Variants in TTC39C observed in about 807,000 individuals in gnomAD.
TTC39C encodes tetratricopeptide repeat protein 39C.
A neutral mutation model predicts 76.3 loss-of-function variants in TTC39C; 33 were observed. That is an observed-to-expected ratio of 0.43 (90% CI 0.33 to 0.58). The LOEUF is 0.58. Among genes scored for constraint, TTC39C ranks in the 20% least tolerant of loss-of-function variants. The pLI, the probability that TTC39C is intolerant of heterozygous loss-of-function variation, is 0.04. For synonymous variants in TTC39C, 254 were observed against 260.6 expected, an observed-to-expected ratio of 0.97 and a Z score of 0.24; for missense variants, 595 against 701.4, an observed-to-expected ratio of 0.85 and a Z score of 1.71.
chr18:24,018,294 G>GT (rs1259475860), intron 1 of TTC39C, among the ~76,000 whole-genome samples: 1 of 152,172 alleles, frequency 6.6e-6, no homozygotes, highest in East Asian at 1.9e-4. Flanking sequence ...CCATGTGTTT[G>GT]TAAGTTCGTG....
intron 7 of TTC39C, 23 bp downstream of exon 7, chr18:24,114,670 GC>G (rs2084869129): frequency 7.0e-6 from 11 of 1,565,708 alleles, no homozygotes; most frequent in Middle Eastern, 1.7e-4. Flanking sequence ...TGTCTGTCCA[GC>G]CTCTTGTTAA....
At chr18:24,081,568 T>G (rs565534297) in intron 5 of TTC39C, among the ~76,000 whole-genome samples, 2 of 152,346 alleles carry the variant, frequency 1.3e-5, no homozygotes, top group East Asian at 1.9e-4. Context: ...CTACCATTTG[T>G]AACTTGAGTA....
chr18:24,064,069 A>G, intron 1 of TTC39C, 71 bp from the exon 2 acceptor site: 2 of 1,595,940 alleles, frequency 1.3e-6, no homozygotes, highest in South Asian at 1.1e-5. Flanking sequence ...TGATATGTCA[A>G]ATGCTTTTAA....
rs761953358 is a variant in TTC39C at position 24,080,742 on chromosome 18, G to A, written c.618G>A (p.Gly206=). 3 of 1,614,098 alleles carry A rather than the reference G, an allele frequency of 1.9e-6. No individual in the cohort carries two copies. Among genetic ancestry groups the A allele is most frequent in the Non-Finnish European group, 2.5e-6 (3 of 1,180,010 alleles). The change falls in exon 5 of 14, where the codon GGG becomes GGA. Residue 206 remains glycine (G), a synonymous_variant. Transcript: ENST00000317571. The part of the protein sequence containing the change: ...AANDNHIVAE[G]VSEESLNRLK... Reference sequence around the variant, plus strand: ...ATGATAATCACATTGTGGCTGAAGGGGTGTCTGAGGAGTCTCTGAACAGAC... The same window carrying A: ...ATGATAATCACATTGTGGCTGAAGGAGTGTCTGAGGAGTCTCTGAACAGAC...
At position 24,082,968 on chromosome 18, in the gene TTC39C, A is replaced by G. The variant is rs772442931; in HGVS notation, c.871A>G (p.Ser291Gly). 1.2e-6 allele frequency: 2 copies of G among 1,614,082 alleles called. No homozygotes were observed. The highest frequency in any genetic ancestry group is 1.7e-5 in the Admixed American group (1 of 60,022). Residue 291 changes from serine to glycine, a missense_variant, in exon 6 of 14, where the codon AGT (serine) becomes GGT (glycine). Coordinates refer to ENST00000317571, the MANE Select transcript of TTC39C (RefSeq NM_001135993.2). ...CCGCCCGTTTTTTGCCTTGGATGGC[A>G]GTGATAACAAGGCAGGCCTGGATGA... ...VVRPFFALDG[S>G]DNKAGLDEAK...
At chr18:24,113,777 C>T in intron 6 of TTC39C, 2 of 683,392 alleles carry the variant, frequency 2.9e-6, no homozygotes, top group East Asian at 5.4e-5. Context: ...TTGGCAGACC[C>T]TGAGTGACAT....
intron 4 of TTC39C, among the ~76,000 whole-genome samples, chr18:24,075,310 A>G (rs2145749524): frequency 6.6e-6 from 1 of 152,240 alleles, no homozygotes; most frequent in Admixed American, 6.5e-5. Flanking sequence ...TAAAAAAAAA[A>G]AAGTCTGTTG....
At chr18:24,057,737 TG>T (rs2084034938) in intron 1 of TTC39C, among the ~76,000 whole-genome samples, 1 of 152,232 alleles carries the variant, frequency 6.6e-6, no homozygotes, top group African/African-American at 2.4e-5. Context: ...ACATGGTGTA[TG>T]TGTCTTTTGG....
rs536949482 is a variant in TTC39C, at chr18:23,998,362, G to A, written c.-17+5324G>A. Among the ~76,000 whole-genome samples, 13 of 152,288 alleles carry A rather than the reference G, an allele frequency of 8.5e-5. No homozygotes were observed. In the South Asian group the frequency reaches 1.5e-3, roughly 17 times the overall value. Reference sequence around the variant, plus strand: ...AACTAGGCCAGGTGCAGTGGCTCACGCCTGTAATCACAGTGCTTTCAGAGG... The same window carrying A: ...AACTAGGCCAGGTGCAGTGGCTCACACCTGTAATCACAGTGCTTTCAGAGG... On this transcript the variant is annotated intron_variant, in intron 1 of 13. Coordinates refer to the TTC39C transcript ENST00000304621.
chr18:24,044,672 C>A (rs150505375), intron 1 of TTC39C, among the ~76,000 whole-genome samples: 12 of 152,214 alleles, frequency 7.9e-5, no homozygotes, highest in African/African-American at 2.6e-4. Context: ...GAGGGGCCAT[C>A]CACTGGAATG....
chr18:24,112,044 G>A (rs1055951787), intron 6 of TTC39C, among the ~76,000 whole-genome samples: 10 of 151,900 alleles, frequency 6.6e-5, no homozygotes, highest in African/African-American at 2.2e-4. Flanking sequence ...ACTTGCTCTC[G>A]GCATAATGCC....
chr18:23,998,556 G>A (rs1314871689), intron 1 of TTC39C, among the ~76,000 whole-genome samples: 1 of 152,178 alleles, frequency 6.6e-6, no homozygotes, highest in South Asian at 2.1e-4. Flanking sequence ...GTTGCAGTGA[G>A]CTGAGATTGC....
chr18:24,023,966 A>ATATATATACG (rs1568408851), intron 1 of TTC39C, among the ~76,000 whole-genome samples: 1 of 11,172 alleles, frequency 9.0e-5, no homozygotes, highest in African/African-American at 1.8e-4. Flanking sequence ...ATATATATAT[A>ATATATATACG]TATATATATA....
chr18:24,047,651 T>C (rs927085804), intron 1 of TTC39C, among the ~76,000 whole-genome samples: 5 of 152,114 alleles, frequency 3.3e-5, no homozygotes, highest in African/African-American at 1.2e-4. Flanking sequence ...GCAGATGACA[T>C]ACAGAGAGGA....
At chr18:24,083,657 G>T (rs374700472) in intron 6 of TTC39C, among the ~76,000 whole-genome samples, 1 of 152,162 alleles carries the variant, frequency 6.6e-6, no homozygotes, top group Admixed American at 6.6e-5. Flanking sequence ...AAAATAAACA[G>T]GGATCTAAGA....
In TTC39C at chr18:24,134,122, C is replaced by A. The variant is rs1006141205; in HGVS notation, c.*1548C>A. ...TTTCCAAAATGTGTATTCACATTGA[C>A]TTTCTCCCTGATGTGAATTCCGTGT... On this transcript the variant is annotated 3_prime_UTR_variant, in exon 14 of 14. Transcript: ENST00000317571. 6.5e-6 allele frequency: 1 copy of A among 154,626 alleles called. No homozygotes were observed. Among genetic ancestry groups the A allele is most frequent in the African/African-American group, 2.4e-5 (1 of 41,494 alleles). The allele number at this position is 154,626 out of a possible 1,614,324, so 9.6% of individuals were successfully genotyped here. A position where few individuals can be genotyped will look rare whatever the true frequency, so the allele number is the denominator to read the frequency against.
At position 24,118,218 on chromosome 18, in the gene TTC39C, C is replaced by A. The variant is rs1344912058; in HGVS notation, c.1172C>A (p.Ala391Asp). 2 of 1,613,230 alleles carry A rather than the reference C, an allele frequency of 1.2e-6. No individual in the cohort carries two copies. Among genetic ancestry groups the A allele is most frequent in the South Asian group, 2.2e-5 (2 of 90,902 alleles). The change falls in exon 8 of 14, where the codon GCC becomes GAC. Residue 391 changes from alanine (A) to aspartate (D), a missense_variant. Coordinates refer to ENST00000317571, the MANE Select transcript of TTC39C (RefSeq NM_001135993.2). ...TCCAGGTGGTCCCAGTGCTATTATG[C>A]CTACTTGACTGCAGGTGAGTCGCCC... ...NESRWSQCYYAYLTAVCQGAT... is the reference protein window; with the variant it reads ...NESRWSQCYYDYLTAVCQGAT...
rs76648338 is a variant in TTC39C at position 24,019,581 on chromosome 18, A to G, written c.167+4543A>G. ...GCGCATGTGACAAAGCCATATGAGAAAGCCATAGGATCTGTGGCCTCATTT... is the reference window on the plus strand; with the variant it reads ...GCGCATGTGACAAAGCCATATGAGAGAGCCATAGGATCTGTGGCCTCATTT... On this transcript the variant is annotated intron_variant, in intron 1 of 13. Transcript: ENST00000317571. 5.9e-3 allele frequency among the ~76,000 whole-genome samples: 892 copies of G among 152,372 alleles called. 6 individuals are homozygous for G. Among genetic ancestry groups the G allele is most frequent in the South Asian group, 0.016 (79 of 4,828 alleles).
intron 1 of TTC39C, chr18:24,016,531 T>G (rs1349094685): frequency 2.5e-6 from 1 of 395,020 alleles, no homozygotes; most frequent in Non-Finnish European, 4.5e-6. Context: ...AAGTACTTCT[T>G]GCTTTGAAGT....
Sources: allele counts gnomAD v4.1 joint callset (sites outside exome capture counted in the v4.1 genomes callset), GRCh38; gene constraint gnomAD v4.1.1; transcripts MANE v1.5; gene names NCBI Gene and HGNC (gene_info 2026-07-23, HGNC 2026-07-21).